The following LHPP variants were observed in gnomAD, a reference collection of about 807,000 sequenced individuals.
The protein encoded by LHPP is hLHPP.
A neutral mutation model predicts 30.3 loss-of-function variants in LHPP; 24 were observed. That is an observed-to-expected ratio of 0.79 (90% CI 0.57 to 1.11). The LOEUF is 1.11. Among genes scored for constraint, LHPP ranks in the 50% most tolerant of loss-of-function variants. LHPP has a pLI of 0.00. For missense variants in LHPP, 356 were observed against 367.2 expected (o/e 0.97, Z 0.25); for synonymous variants, 150 against 157.1 (o/e 0.95, Z 0.34).
Position 124,498,153 on chromosome 10 carries a change from G to C in LHPP, c.624+25G>C, listed in dbSNP as rs748649537. The C allele has an allele frequency of 2.5e-5, 35 of 1,422,314 alleles. No homozygotes were observed. The Admixed American group carries it at 6.7e-4, about 27-fold the overall frequency. The allele number at this position is 1,422,314 out of a possible 1,614,324, so 88.1% of individuals were successfully genotyped here. A position where few individuals can be genotyped will look rare whatever the true frequency, so the allele number is the denominator to read the frequency against. On this transcript the variant is annotated intron_variant, in intron 5 of 6. Transcript: ENST00000368842. Reference sequence around the variant, plus strand: ...GGTAGGTTGGCGCCTTGTGAAGTGGGTCAGGGGAGGCAGCCCCGTCAGGGA... The same window carrying C: ...GGTAGGTTGGCGCCTTGTGAAGTGGCTCAGGGGAGGCAGCCCCGTCAGGGA...
chr10:124,482,430 T>A (rs1953169807), intron 1 of LHPP, among the ~76,000 whole-genome samples: 2 of 152,196 alleles, frequency 1.3e-5, no homozygotes, highest in Non-Finnish European at 2.9e-5. Flanking sequence ...CATGGCTGAT[T>A]AATTTTACTA....
At chr10:124,536,826 G>A (rs1409427597) in intron 6 of LHPP, among the ~76,000 whole-genome samples, 1 of 152,162 alleles carries the variant, frequency 6.6e-6, no homozygotes, top group African/African-American at 2.4e-5. Context: ...GGGGAGGATT[G>A]GCTAGAACAG....
At position 124,564,876 on chromosome 10, in the gene LHPP, T is replaced by C. The variant is rs527671632; in HGVS notation, c.716+47605T>C. On this transcript the variant is annotated intron_variant, in intron 6 of 6. Coordinates refer to ENST00000368842, the MANE Select transcript of LHPP (RefSeq NM_022126.4). ...GCATTTGCAATGATCTGGATGAGAT[T>C]GGAGACTATTATTCTAAGTGAAGTA... Among the ~76,000 whole-genome samples the C allele has an allele frequency of 2.0e-5, 3 of 152,356 alleles. No homozygotes were observed. The East Asian group carries it at 5.8e-4, about 29-fold the overall frequency.
intron 6 of LHPP, among the ~76,000 whole-genome samples, chr10:124,519,213 G>A (rs997925847): frequency 2.6e-5 from 4 of 152,246 alleles, no homozygotes; most frequent in Non-Finnish European, 4.4e-5. Context: ...CTCCGGAAGT[G>A]CTGGGATTAT....
At chr10:124,462,104 G>C in intron 1 of LHPP, 117 bp downstream of exon 1, 2 of 983,044 alleles carry the variant, frequency 2.0e-6, no homozygotes, top group Non-Finnish European at 2.6e-6. Context: ...CCCCGCCTCG[G>C]TCTCCCCCTT....
intron 6 of LHPP, chr10:124,605,402 G>C (rs931560335): frequency 6.6e-6 from 1 of 152,370 alleles, no homozygotes; most frequent in Non-Finnish European, 1.5e-5. Flanking sequence ...AGATGAAGTG[G>C]CAGAGCAGCC....
chr10:124,468,865 G>A (rs780505683), intron 1 of LHPP, among the ~76,000 whole-genome samples: 3 of 152,092 alleles, frequency 2.0e-5, no homozygotes, highest in African/African-American at 4.8e-5. Context: ...TGTGGGGCTC[G>A]TGGCAGATGC....
At chr10:124,595,370 G>A (rs1367941348) in intron 6 of LHPP, among the ~76,000 whole-genome samples, 2 of 152,254 alleles carry the variant, frequency 1.3e-5, no homozygotes, top group African/African-American at 4.8e-5. Context: ...GCACCTCAGA[G>A]TTTGCATCCA....
At chr10:124,515,958 T>C (rs1267222248) in intron 5 of LHPP, among the ~76,000 whole-genome samples, 1 of 152,260 alleles carries the variant, frequency 6.6e-6, no homozygotes, top group Non-Finnish European at 1.5e-5. Context: ...TCTTTCTCCA[T>C]GCAGCCTTCT....
intron 6 of LHPP, among the ~76,000 whole-genome samples, chr10:124,568,639 A>G (rs57448145): frequency 0.061 from 9,228 of 152,180 alleles, 878 homozygotes; most frequent in African/African-American, 0.21. Context: ...GGGGTCTGGA[A>G]TGTTCTCATA....
chr10:124,508,701 A>T (rs1381022767), intron 5 of LHPP, among the ~76,000 whole-genome samples: 1 of 152,130 alleles, frequency 6.6e-6, no homozygotes, highest in Non-Finnish European at 1.5e-5. Flanking sequence ...AATTCAGGAA[A>T]GTACAAGAAG....
chr10:124,515,119 A>G (rs1416439350), intron 5 of LHPP, among the ~76,000 whole-genome samples: 2 of 152,096 alleles, frequency 1.3e-5, no homozygotes, highest in Non-Finnish European at 2.9e-5. Context: ...ACTTTGAGGA[A>G]CTCTAATTGC....
chr10:124,479,465 C>T (rs1398532967), intron 1 of LHPP, among the ~76,000 whole-genome samples: 6 of 152,336 alleles, frequency 3.9e-5, no homozygotes, highest in East Asian at 1.9e-4. Flanking sequence ...CTGTCCTAGT[C>T]GGCCTGGGCT....
intron 6 of LHPP, among the ~76,000 whole-genome samples, chr10:124,548,129 G>A (rs562490954): frequency 2.6e-4 from 39 of 152,332 alleles, no homozygotes; most frequent in South Asian, 1.7e-3. Context: ...GAAAACCTAC[G>A]TAAGCACTAA....
intron 6 of LHPP, among the ~76,000 whole-genome samples, chr10:124,588,079 G>C (rs1307913900): frequency 1.3e-5 from 2 of 152,222 alleles, no homozygotes; most frequent in African/African-American, 4.8e-5. Flanking sequence ...ACATTCACAG[G>C]TGTTCTGTAC....
intron 6 of LHPP, among the ~76,000 whole-genome samples, chr10:124,565,974 C>T (rs1225063468): frequency 2.0e-5 from 3 of 152,266 alleles, no homozygotes; most frequent in Admixed American, 2.0e-4. Flanking sequence ...CCCCTGCAGT[C>T]CGCAGAGGGC....
intron 1 of LHPP, among the ~76,000 whole-genome samples, chr10:124,483,368 G>T (rs956514305): frequency 6.6e-6 from 1 of 152,204 alleles, no homozygotes; most frequent in South Asian, 2.1e-4. Context: ...GCCAAATGTG[G>T]TGGAAAGGGA....
At chr10:124,516,551 C>G (rs1438463595) in intron 5 of LHPP, among the ~76,000 whole-genome samples, 3 of 152,132 alleles carry the variant, frequency 2.0e-5, no homozygotes, top group Non-Finnish European at 4.4e-5. Flanking sequence ...AGTCATTGTC[C>G]TTCGTTGCTT....
intron 1 of LHPP, among the ~76,000 whole-genome samples, chr10:124,483,774 A>G (rs1953223093): frequency 6.6e-6 from 1 of 151,838 alleles, no homozygotes; most frequent in Non-Finnish European, 1.5e-5. Context: ...AAAGAAATAA[A>G]AAAAATAAAG....
Sources: allele counts gnomAD v4.1 joint callset (sites outside exome capture counted in the v4.1 genomes callset), GRCh38; gene constraint gnomAD v4.1.1; transcripts MANE v1.5; gene names NCBI Gene and HGNC (gene_info 2026-07-23, HGNC 2026-07-21).